MAP4K3: variants seen among roughly 807,000 people sequenced by gnomAD.
MAP4K3 encodes mitogen-activated protein kinase kinase kinase kinase 3.
A neutral mutation model predicts 143.5 loss-of-function variants in MAP4K3; 94 were observed. The observed-to-expected ratio is 0.65, with a 90% CI of 0.55 to 0.78. The LOEUF is 0.78. Among genes scored for constraint, MAP4K3 ranks in the 30% least tolerant of loss-of-function variants. MAP4K3 has a pLI of 0.00. For missense variants in MAP4K3, 1,077 were observed against 1,068.1 expected (o/e 1.01, Z -0.12); for synonymous variants, 416 against 347.2 (o/e 1.20, Z -2.20).
intron 12 of MAP4K3, among the ~76,000 whole-genome samples, chr2:39,319,430 C>T (rs545226751): frequency 4.7e-4 from 72 of 152,044 alleles, no homozygotes; most frequent in Non-Finnish European, 6.3e-4. Context: ...CCCATGTATA[C>T]GGAGGACCAA....
chr2:39,424,657 T>C (rs1469907350), intron 1 of MAP4K3, among the ~76,000 whole-genome samples: 2 of 151,738 alleles, frequency 1.3e-5, no homozygotes, highest in African/African-American at 2.4e-5. Flanking sequence ...TAGTGAGACC[T>C]TGTCTATACA....
chr2:39,331,748 T>C (rs1255471342), intron 8 of MAP4K3, among the ~76,000 whole-genome samples, 169 bp downstream of exon 8: 1 of 152,118 alleles, frequency 6.6e-6, no homozygotes, highest in Non-Finnish European at 1.5e-5. Context: ...TGGTAGGATA[T>C]TTTCTGGCCA....
At chr2:39,267,900 A>T (rs1680832423) in intron 26 of MAP4K3, among the ~76,000 whole-genome samples, 1 of 152,168 alleles carries the variant, frequency 6.6e-6, no homozygotes, top group Non-Finnish European at 1.5e-5. Flanking sequence ...TTAGCACCTC[A>T]AACTACAGGT....
chr2:39,295,050 G>C (rs1172463582), intron 16 of MAP4K3, among the ~76,000 whole-genome samples: 8 of 148,678 alleles, frequency 5.4e-5, no homozygotes, highest in Non-Finnish European at 8.9e-5. Context: ...AAAAAAAAAA[G>C]TAAAACAATG....
chr2:39,294,704 A>G (rs1334610732), intron 16 of MAP4K3, among the ~76,000 whole-genome samples: 11 of 152,230 alleles, frequency 7.2e-5, no homozygotes, highest in Non-Finnish European at 1.5e-4. Flanking sequence ...GGTCTACTGA[A>G]TTAATGTAGG....
At chr2:39,368,578 G>C (rs1004616992) in intron 2 of MAP4K3, among the ~76,000 whole-genome samples, 4 of 151,958 alleles carry the variant, frequency 2.6e-5, no homozygotes, top group African/African-American at 9.7e-5. Context: ...GCTGAGGCAG[G>C]AGGATCGCTT....
intron 12 of MAP4K3, among the ~76,000 whole-genome samples, chr2:39,320,206 C>A (rs1424158772): frequency 6.6e-6 from 1 of 152,120 alleles, no homozygotes; most frequent in South Asian, 2.1e-4. Flanking sequence ...TTAAGTATTT[C>A]AATAATTCAA....
In MAP4K3 at chr2:39,306,078, T is replaced by C. The variant is rs190234001; in HGVS notation, c.1119+1865A>G. On this transcript the variant is annotated intron_variant, in intron 15 of 33. Transcript: ENST00000263881. ...CTCCTGACCTCATGATCTGCCCGCC[T>C]TGGCCTCCCAAACTGCTGGGATTAC... is the stretch of plus-strand genomic sequence containing the variant. Among the ~76,000 whole-genome samples the C allele has an allele frequency of 2.6e-5, 4 of 152,344 alleles. No homozygotes were observed. The East Asian group carries it at 5.8e-4, about 22-fold the overall frequency.
At position 39,429,110 on chromosome 2, in the gene MAP4K3, T is replaced by G. The variant is rs1169503486; in HGVS notation, c.96+7782A>C. 2.7e-4 allele frequency among the ~76,000 whole-genome samples: 39 copies of G among 145,136 alleles called. No homozygotes were observed. In the Admixed American group the frequency reaches 2.7e-3, roughly 10 times the overall value. On this transcript the variant is annotated intron_variant, in intron 1 of 33. Coordinates refer to ENST00000263881, the MANE Select transcript of MAP4K3 (RefSeq NM_003618.4). ...AAAAAGGAGTCCATATGCTCAGGGT[T>G]AAAAATGAACAAGACTAAGCCAAAG... is the stretch of plus-strand genomic sequence containing the variant.
Position 39,325,958 on chromosome 2 carries a change from T to A in MAP4K3, c.666A>T (p.Ala222=). ...PPMFDLHPMR[A]LFLMTKSNFQ... ...AATTGCTTTTTGTCATTAGAAATAA[T>A]GCTCTGAAAAATCAACAAATCATTA... The change falls in exon 10 of 34, where the codon GCA becomes GCT. Residue 222 remains alanine, a synonymous_variant. Coordinates refer to ENST00000263881, the MANE Select transcript of MAP4K3 (RefSeq NM_003618.4). The A allele has an allele frequency of 6.3e-7, 1 of 1,591,700 alleles. No homozygotes were observed. Among genetic ancestry groups the A allele is most frequent in the Non-Finnish European group, 8.6e-7 (1 of 1,164,044 alleles).
chr2:39,352,153 T>C (rs1052828539), intron 3 of MAP4K3, among the ~76,000 whole-genome samples: 1 of 152,004 alleles, frequency 6.6e-6, no homozygotes, highest in African/African-American at 2.4e-5. Context: ...TAGCTGGGTG[T>C]GGTAGCGTGC....
intron 1 of MAP4K3, among the ~76,000 whole-genome samples, chr2:39,399,979 G>A (rs767129975): frequency 1.3e-5 from 2 of 152,084 alleles, no homozygotes; most frequent in Non-Finnish European, 2.9e-5. Flanking sequence ...AAGTTGGTAA[G>A]TTTATAAGAC....
intron 1 of MAP4K3, among the ~76,000 whole-genome samples, chr2:39,392,138 T>C (rs1423268352): frequency 8.0e-6 from 1 of 124,844 alleles, no homozygotes; most frequent in African/African-American, 3.0e-5. Flanking sequence ...TGAGCTGAGA[T>C]TGCACCACTC....
chr2:39,290,197 G>T, intron 19 of MAP4K3, 95 bp downstream of exon 19: 1 of 833,306 alleles, frequency 1.2e-6, no homozygotes, highest in Non-Finnish European at 1.8e-6. Flanking sequence ...TTTCTTTGTG[G>T]ATCACAAATG....
chr2:39,274,442 G>A (rs553599770), intron 24 of MAP4K3, among the ~76,000 whole-genome samples: 7 of 151,956 alleles, frequency 4.6e-5, no homozygotes, highest in South Asian at 2.1e-4. Context: ...GGATGGTCTC[G>A]ATCTCCTGAC....
intron 19 of MAP4K3, among the ~76,000 whole-genome samples, chr2:39,289,190 G>A (rs1054739617): frequency 5.9e-5 from 9 of 152,286 alleles, no homozygotes; most frequent in African/African-American, 1.4e-4. Context: ...AATTTATAAC[G>A]TGTCTCTTAT....
intron 1 of MAP4K3, among the ~76,000 whole-genome samples, chr2:39,432,670 A>C (rs144211703): frequency 1.6e-3 from 249 of 152,364 alleles, no homozygotes; most frequent in Non-Finnish European, 3.0e-3. Context: ...TGGAAGAATT[A>C]GTCTATGATG....
intron 24 of MAP4K3, among the ~76,000 whole-genome samples, chr2:39,275,200 G>C (rs1464875098): frequency 1.3e-5 from 2 of 152,168 alleles, no homozygotes; most frequent in African/African-American, 4.8e-5. Flanking sequence ...TCTCTCAAGA[G>C]TCCTGGCCAG....
At chr2:39,287,016 T>A in intron 20 of MAP4K3, 52 bp from the exon 21 acceptor site, 1 of 1,156,662 alleles carries the variant, frequency 8.6e-7, no homozygotes, top group South Asian at 1.4e-5. Context: ...AAAACTTTTA[T>A]TCAGAAAGTT....
Sources: allele counts gnomAD v4.1 joint callset (sites outside exome capture counted in the v4.1 genomes callset), GRCh38; gene constraint gnomAD v4.1.1; transcripts MANE v1.5; gene names NCBI Gene and HGNC (gene_info 2026-07-23, HGNC 2026-07-21).